Variants in IL4R observed in about 807,000 individuals in gnomAD.
IL4R encodes the protein interleukin-4 receptor subunit alpha.
A neutral mutation model predicts 41.5 loss-of-function variants in IL4R; 17 were observed. The ratio of observed to expected loss-of-function variants is 0.41; its 90% CI spans 0.28 to 0.61. The LOEUF is 0.61. Among genes scored for constraint, IL4R ranks in the 20% least tolerant of loss-of-function variants. The pLI is 0.31. For synonymous variants in IL4R, 402 were observed against 422.9 expected (o/e 0.95, Z 0.61); for missense variants, 974 against 1,043.1 (o/e 0.93, Z 0.91).
At chr16:27,316,938 C>G (rs1024288606) in intron 1 of IL4R, among the ~76,000 whole-genome samples, 35 of 149,382 alleles carry the variant, frequency 2.3e-4, no homozygotes, top group Non-Finnish European at 4.0e-4. Flanking sequence ...TGGTCTCTCT[C>G]TATTTCCCAG....
intron 2 of IL4R, among the ~76,000 whole-genome samples, chr16:27,332,210 AT>A (rs1160337590): frequency 1.3e-5 from 2 of 152,062 alleles, no homozygotes; most frequent in African/African-American, 4.8e-5. Flanking sequence ...AGACTGGGTA[AT>A]TTATAAAGGA....
chr16:27,331,119 G>A (rs1407934700), intron 2 of IL4R, among the ~76,000 whole-genome samples: 1 of 152,098 alleles, frequency 6.6e-6, no homozygotes, highest in Non-Finnish European at 1.5e-5. Context: ...ACTGCTTAGA[G>A]GACAGGCCTT....
chr16:27,314,984 A>T (rs1345363356), intron 1 of IL4R, among the ~76,000 whole-genome samples: 1 of 152,028 alleles, frequency 6.6e-6, no homozygotes, highest in Non-Finnish European at 1.5e-5. Flanking sequence ...TTTTTTTTTA[A>T]ACAAAATCTG....
Position 27,363,713 on chromosome 16 carries a change from G to A in IL4R, c.2361G>A (p.Glu787=), listed in dbSNP as rs775175655. ...PASLAPSGIS[E]KSKSSSSFHP... ...CCCTGGCACCCTCGGGCATCTCAGA[G>A]AAGAGTAAATCCTCATCATCCTTCC... is the stretch of plus-strand genomic sequence containing the variant. Residue 787 remains glutamate, a synonymous_variant, in exon 11 of 11, where the codon GAG becomes GAA. Transcript: ENST00000395762. The A allele has an allele frequency of 3.7e-6, 6 of 1,613,764 alleles. No homozygotes were observed. The highest frequency in any genetic ancestry group is 1.7e-6 in the Non-Finnish European group (2 of 1,180,038).
intron 3 of IL4R, 105 bp downstream of exon 3, chr16:27,340,378 G>C (rs2085402625): frequency 5.1e-6 from 4 of 781,574 alleles, no homozygotes; most frequent in Middle Eastern, 2.3e-4. Flanking sequence ...AGTGGGAGGG[G>C]ACAGCCAATG....
At position 27,341,805 on chromosome 16, in the gene IL4R, C is replaced by T. The variant is rs1158612656; in HGVS notation, c.71-316C>T. ...AGAGGCTTGGTGTGATGGAATGGCA[C>T]TCCTTAAACTGCTACATATTTTCCC... On this transcript the variant is annotated intron_variant, in intron 3 of 10. Coordinates refer to ENST00000395762, the MANE Select transcript of IL4R (RefSeq NM_000418.4). 2.6e-5 allele frequency among the ~76,000 whole-genome samples: 4 copies of T among 152,332 alleles called. No homozygotes were observed. In the South Asian group the frequency reaches 6.2e-4, roughly 24 times the overall value.
intron 6 of IL4R, among the ~76,000 whole-genome samples, chr16:27,347,881 T>C (rs1242474467): frequency 6.6e-6 from 1 of 152,268 alleles, no homozygotes; most frequent in Non-Finnish European, 1.5e-5. Flanking sequence ...AGGTGTGTGA[T>C]ACAGATGAGC....
chr16:27,350,415 T>C (rs928046782), intron 6 of IL4R, among the ~76,000 whole-genome samples: 1 of 152,060 alleles, frequency 6.6e-6, no homozygotes, highest in African/African-American at 2.4e-5. Flanking sequence ...CTCTGAACTC[T>C]CTGTAGTTGC....
Position 27,345,493 on chromosome 16 carries a change from T to A in IL4R, c.361+473T>A. 1 of 290,816 alleles carries A rather than the reference T, an allele frequency of 3.4e-6. No homozygotes were observed. Among genetic ancestry groups the A allele is most frequent in the South Asian group, 3.3e-5 (1 of 30,456 alleles). 18.0% of individuals were successfully genotyped at this position (290,816 alleles called of 1,614,324 possible). A position where few individuals can be genotyped will look rare whatever the true frequency, so the allele number is the denominator to read the frequency against. ...TGGTGACAGGAGTTTAAAACATGCGTTGTATTCCAGTGATGCATGATATGA... is the reference window on the plus strand; with the variant it reads ...TGGTGACAGGAGTTTAAAACATGCGATGTATTCCAGTGATGCATGATATGA... On this transcript the variant is annotated intron_variant, in intron 5 of 10. Transcript: ENST00000395762. This position sits in a 1 kb window ranked among gnomAD's most constrained non-coding sequence, Gnocchi z 4.5.
At chr16:27,325,985 C>T (rs940695455) in intron 1 of IL4R, among the ~76,000 whole-genome samples, 6 of 152,110 alleles carry the variant, frequency 3.9e-5, no homozygotes, top group African/African-American at 7.2e-5. Flanking sequence ...TTCTCTCTCC[C>T]GCCCCACAGC....
At chr16:27,316,830 A>G (rs1011138151) in intron 1 of IL4R, among the ~76,000 whole-genome samples, 3 of 152,188 alleles carry the variant, frequency 2.0e-5, no homozygotes, top group Admixed American at 2.0e-4. Context: ...GTGATGACTA[A>G]ATGAGTTAAT....
rs572234178 is a variant in IL4R at position 27,326,682 on chromosome 16, A to G, written c.-151-3384A>G. Among the ~76,000 whole-genome samples, 550 of 152,280 alleles carry G rather than the reference A, an allele frequency of 3.6e-3. 5 individuals are homozygous for G. Among genetic ancestry groups the G allele is most frequent in the Non-Finnish European group, 4.5e-3 (304 of 68,000 alleles). Reference sequence around the variant, plus strand: ...CTCTAAAGCAAAAAAGAGAAGGAGAATAAGTGAGGTACTTGAGCAAGTGGG... The same window carrying G: ...CTCTAAAGCAAAAAAGAGAAGGAGAGTAAGTGAGGTACTTGAGCAAGTGGG... On this transcript the variant is annotated intron_variant, in intron 1 of 10. Coordinates refer to ENST00000395762, the MANE Select transcript of IL4R (RefSeq NM_000418.4).
intron 1 of IL4R, among the ~76,000 whole-genome samples, chr16:27,324,852 G>A (rs1325670644): frequency 2.6e-5 from 4 of 152,232 alleles, no homozygotes; most frequent in South Asian, 2.1e-4. Flanking sequence ...GCTCTCCATC[G>A]TGGGAAGGGT....
chr16:27,338,031 G>T (rs183184347), intron 2 of IL4R, among the ~76,000 whole-genome samples: 3 of 145,556 alleles, frequency 2.1e-5, no homozygotes, highest in African/African-American at 5.1e-5. Context: ...GTCTCGGCTC[G>T]CTGCAACCTC....
chr16:27,348,612 T>G (rs1335780891), intron 6 of IL4R, among the ~76,000 whole-genome samples: 2 of 151,892 alleles, frequency 1.3e-5, no homozygotes, highest in East Asian at 3.9e-4. Flanking sequence ...GGGAAAAGGG[T>G]TTTTTTTCTT....
At chr16:27,314,077 G>C in intron 1 of IL4R, 57 bp downstream of exon 1, 1 of 985,252 alleles carries the variant, frequency 1.0e-6, no homozygotes, top group Non-Finnish European at 1.2e-6. Flanking sequence ...CGGGCACGCC[G>C]GCTGAGGGCG....
At chr16:27,317,163 TA>T (rs1567301583) in intron 1 of IL4R, among the ~76,000 whole-genome samples, 2 of 152,304 alleles carry the variant, frequency 1.3e-5, no homozygotes, top group South Asian at 4.1e-4. Flanking sequence ...CTCAGCCTCC[TA>T]AAGTGTTGGA....
At chr16:27,356,291 C>T (rs752797630) in intron 8 of IL4R, among the ~76,000 whole-genome samples, 2 of 151,956 alleles carry the variant, frequency 1.3e-5, no homozygotes, top group Non-Finnish European at 2.9e-5. Flanking sequence ...TGGGGTTTCA[C>T]CATGTTGGTC....
At chr16:27,330,386 C>CAA (rs71137792) in intron 2 of IL4R, among the ~76,000 whole-genome samples, 188 bp downstream of exon 2, 63 of 123,834 alleles carry the variant, frequency 5.1e-4, no homozygotes, top group Admixed American at 7.6e-4. Flanking sequence ...GACTCCATCT[C>CAA]AAAAAAAAAA....
Sources: gnomAD v4.1 joint callset for allele counts (sites outside exome capture counted in the v4.1 genomes callset) on GRCh38, gnomAD v4.1.1 for gene constraint, Gnocchi (gnomAD v3.1) non-coding constraint, MANE v1.5 for transcripts, NCBI Gene and HGNC (gene_info 2026-07-23, HGNC 2026-07-21) for gene names.